Variants in FAT3 observed in about 807,000 individuals in gnomAD.
FAT3 encodes FAT atypical cadherin 3.
FAT3 carries 95 observed loss-of-function variants against 310.2 expected under a neutral mutation model. The ratio of observed to expected loss-of-function variants is 0.31; its 90% CI spans 0.26 to 0.36. The LOEUF (loss-of-function observed/expected upper bound fraction) is 0.36, where lower values mean the gene tolerates loss of function less well. FAT3 is among the 10% of genes least tolerant of loss of function. The pLI, the probability that FAT3 is intolerant of heterozygous loss-of-function variation, is 1.00. For missense variants in FAT3, 5,408 were observed against 5,715.6 expected (o/e 0.95, Z 1.74); for synonymous variants, 2,314 against 2,192.9 (o/e 1.06, Z -1.54).
At chr11:92,496,126 A>G (rs1484956187) in intron 2 of FAT3, among the ~76,000 whole-genome samples, 1 of 152,058 alleles carries the variant, frequency 6.6e-6, no homozygotes, top group Non-Finnish European at 1.5e-5. Context: ...TGGCCAGCAC[A>G]TAACCACCCT....
intron 3 of FAT3, among the ~76,000 whole-genome samples, chr11:92,636,889 G>A (rs1941786268): frequency 1.3e-5 from 2 of 152,082 alleles, no homozygotes; most frequent in Admixed American, 6.6e-5. Flanking sequence ...AAGTTATCTT[G>A]GCTACAAATG....
At chr11:92,830,921 G>A (rs1450304185) in intron 13 of FAT3, among the ~76,000 whole-genome samples, 1 of 152,120 alleles carries the variant, frequency 6.6e-6, no homozygotes, top group Non-Finnish European at 1.5e-5. Context: ...AATAGATGTG[G>A]AACCTGACCC....
chr11:92,372,969 T>C (rs11019936), intron 2 of FAT3, among the ~76,000 whole-genome samples: 11,763 of 152,170 alleles, frequency 0.077, 660 homozygotes, highest in African/African-American at 0.15. Flanking sequence ...CAGCAAACGA[T>C]TTTTTAAAAA....
Position 92,844,665 on chromosome 11 carries a change from C to G in FAT3, c.11298C>G (p.Thr3766=). The G allele has an allele frequency of 2.5e-6, 4 of 1,602,908 alleles. No individual in the cohort carries two copies. The highest frequency in any genetic ancestry group is 3.4e-6 in the Non-Finnish European group (4 of 1,173,460). Residue 3766 remains threonine, a synonymous_variant, in exon 19 of 28, where the codon ACC becomes ACG. Transcript: ENST00000525166. ...CACTCGATTCCCACGCGCTCATGAC[C>G]TACAGCACGGCTCGCATCAGCTTTG... The part of the protein sequence containing the change: ...GLSLDSHALM[T]YSTARISFVC...
At chr11:92,834,802 A>G in intron 14 of FAT3, 68 bp from the exon 15 acceptor site, 2 of 1,317,324 alleles carry the variant, frequency 1.5e-6, no homozygotes, top group African/African-American at 1.5e-5. Flanking sequence ...AAATATTACC[A>G]TGATTATAGA....
intron 4 of FAT3, among the ~76,000 whole-genome samples, chr11:92,752,018 T>C (rs888104007): frequency 6.6e-6 from 1 of 151,966 alleles, no homozygotes; most frequent in Non-Finnish European, 1.5e-5. Context: ...GTGCAATAAG[T>C]GCTATCAGTA....
rs1947000643 is a variant in FAT3, at chr11:92,790,140, T to G, written c.4533T>G (p.Ile1511Met). The stretch of plus-strand genomic sequence containing the variant: ...CCATCAGCATGAGAAAATTCCGGAT[T>G]GACCCTAGCACTGGCGTGCTCTATA... ...IDSISMRKFR[I>M]DPSTGVLYTA... Residue 1511 changes from isoleucine to methionine, a missense_variant, in exon 8 of 28, where the codon ATT (isoleucine) becomes ATG (methionine). Physicochemically the swap from Ile to Met is conservative, Grantham distance 10 (BLOSUM62 1). Coordinates refer to ENST00000525166, the MANE Select transcript of FAT3 (RefSeq NM_001367949.2). The G allele has an allele frequency of 6.2e-7, 1 of 1,613,650 alleles. No individual in the cohort carries two copies. Among genetic ancestry groups the G allele is most frequent in the South Asian group, 1.1e-5 (1 of 91,090 alleles).
At chr11:92,421,827 G>A (rs949202884) in intron 2 of FAT3, among the ~76,000 whole-genome samples, 2 of 152,190 alleles carry the variant, frequency 1.3e-5, no homozygotes, top group African/African-American at 4.8e-5. Flanking sequence ...TCAGCCCCAG[G>A]TAGAGGAACA....
chr11:92,478,944 C>CT (rs1341730190), intron 2 of FAT3, among the ~76,000 whole-genome samples: 10,396 of 73,708 alleles, frequency 0.14, 636 homozygotes, highest in African/African-American at 0.25. Context: ...CTCTTTCTTT[C>CT]TTTCTTTCTT....
chr11:92,457,404 G>C (rs1446488174), intron 2 of FAT3, among the ~76,000 whole-genome samples: 1 of 152,146 alleles, frequency 6.6e-6, no homozygotes, highest in Non-Finnish European at 1.5e-5. Flanking sequence ...TGGCAGTGCA[G>C]TTGCAGGCTT....
Position 92,809,035 on chromosome 11 carries a change from C to A in FAT3, c.9248-808C>A, listed in dbSNP as rs558498802. On this transcript the variant is annotated intron_variant, in intron 12 of 27. Transcript: ENST00000525166. ...ATAATATTTCATGAGTCATACTTTC[C>A]ACCAAATAACATTTATTCAGGTTTG... is the stretch of plus-strand genomic sequence containing the variant. Among the ~76,000 whole-genome samples the A allele has an allele frequency of 2.6e-5, 4 of 152,196 alleles. No homozygotes were observed. The East Asian group carries it at 5.8e-4, about 22-fold the overall frequency.
intron 2 of FAT3, among the ~76,000 whole-genome samples, chr11:92,366,143 G>A (rs775256624): frequency 6.6e-5 from 10 of 152,168 alleles, no homozygotes; most frequent in Non-Finnish European, 1.2e-4. Context: ...GCTCTCTTGC[G>A]TCTCCTTATT....
chr11:92,806,515 G>A lies in FAT3; in HGVS notation c.9247G>A (p.Gly3083Ser). 1 of 1,539,866 alleles carries A rather than the reference G, an allele frequency of 6.5e-7. No individual in the cohort carries two copies. The highest frequency in any genetic ancestry group is 8.8e-7 in the Non-Finnish European group (1 of 1,140,604). The stretch of plus-strand genomic sequence containing the variant: ...TGAATTTTTTCTAGATCCAGAAAGT[G>A]GTAAGCTAAAATTTATTATTGAGAT... ...NSEFFLDPES[G>S]ELKTLALLDR... Residue 3083 changes from glycine (G) to serine (S), a missense_variant and splice_region_variant, in exon 12 of 28, where the codon GGC becomes AGC. By Grantham distance (56) the Gly-to-Ser change is moderately conservative. This residue lies in a region of FAT3 where 4,588 missense variants were observed against 4,809.8 expected (regional missense o/e 0.95). Transcript: ENST00000525166.
intron 3 of FAT3, among the ~76,000 whole-genome samples, chr11:92,604,873 G>A (rs368758002): frequency 6.6e-6 from 1 of 152,198 alleles, no homozygotes; most frequent in African/African-American, 2.4e-5. Flanking sequence ...GCTCTGCTAG[G>A]CATTAGCTAA....
At chr11:92,626,952 A>T (rs1381809623) in intron 3 of FAT3, among the ~76,000 whole-genome samples, 1 of 152,198 alleles carries the variant, frequency 6.6e-6, no homozygotes, top group East Asian at 1.9e-4. Context: ...TTACCCAGTG[A>T]TATCCTTAAG....
Position 92,890,981 on chromosome 11 carries a change from C to G in FAT3, c.13638C>G (p.Ser4546=), listed in dbSNP as rs749340731. The G allele has an allele frequency of 1.9e-6, 3 of 1,613,960 alleles. No homozygotes were observed. Among genetic ancestry groups the G allele is most frequent in the East Asian group, 2.2e-5 (1 of 44,880 alleles). ...LSLHNSRGTS[S]SDVSANCGFD... is the part of the protein sequence containing the mutation. The stretch of plus-strand genomic sequence containing the variant: ...TGCACAATTCCAGAGGCACCTCATC[C>G]TCGGATGTGTCTGCCAACTGCGGCT... Residue 4546 remains serine, a synonymous_variant, in exon 28 of 28, where the codon TCC becomes TCG. Coordinates refer to ENST00000525166, the MANE Select transcript of FAT3 (RefSeq NM_001367949.2).
At chr11:92,815,538 A>C (rs1459236750) in intron 13 of FAT3, among the ~76,000 whole-genome samples, 2 of 151,982 alleles carry the variant, frequency 1.3e-5, no homozygotes, top group African/African-American at 4.8e-5. Context: ...ACGCCACCGC[A>C]CTCCAGCCTG....
chr11:92,406,832 G>T (rs1950146219), intron 2 of FAT3: 1 of 152,188 alleles, frequency 6.6e-6, no homozygotes, highest in Non-Finnish European at 1.5e-5. Flanking sequence ...TCCCAAGGTG[G>T]ATCAGATAAA....
In FAT3 at chr11:92,834,967, T is replaced by C. The variant is rs1363768620; in HGVS notation, c.9969T>C (p.Ala3323=). ...ATGGGGGCACCCCAGCTCTCAGCGC[T>C]GTGGCCACTGTCAACATCAACCTCA... ...AKDGGTPALS[A]VATVNINLTD... The change falls in exon 15 of 28, where the codon GCT becomes GCC. Residue 3323 remains alanine, a synonymous_variant. Transcript: ENST00000525166. The C allele has an allele frequency of 1.9e-6, 3 of 1,613,498 alleles. No homozygotes were observed. Among genetic ancestry groups the C allele is most frequent in the South Asian group, 1.1e-5 (1 of 90,876 alleles).
Sources: gnomAD v4.1 joint callset for allele counts (sites outside exome capture counted in the v4.1 genomes callset) on GRCh38, gnomAD v4.1.1 for gene constraint, gnomAD v4.1.1 regional missense constraint, MANE v1.5 for transcripts, NCBI Gene and HGNC (gene_info 2026-07-23, HGNC 2026-07-21) for gene names.